The following RANBP2 variants were observed in gnomAD, a reference collection of about 807,000 sequenced individuals.
The protein encoded by RANBP2 is RAN binding protein 2, also known as E3 SUMO-protein ligase RanBP2.
Under a neutral mutation model 303.6 loss-of-function variants are expected in RANBP2, and 57 were observed. The observed-to-expected ratio is 0.19, with a 90% CI of 0.15 to 0.23. The LOEUF (loss-of-function observed/expected upper bound fraction) is 0.23, where lower values mean the gene tolerates loss of function less well. Ranked by LOEUF, RANBP2 falls within the 10% of genes least tolerant of loss-of-function variation. The pLI is 1.00. For synonymous variants in RANBP2, 1,167 were observed against 1,301.5 expected (o/e 0.90, Z 2.23); for missense variants, 3,138 against 3,780.8 (o/e 0.83, Z 4.46).
At chr2:108,805,487 AG>A in the RANBP2 span, among the ~76,000 whole-genome samples, 1 of 152,022 alleles carries the variant, frequency 6.6e-6, no homozygotes, top group South Asian at 2.1e-4. Context: ...GCACTTTGGG[AG>A]GCTGAGGTGG....
chr2:108,815,979 C>A, the RANBP2 span: 1 of 1,613,192 alleles, frequency 6.2e-7, no homozygotes, highest in East Asian at 2.2e-5. Flanking sequence ...TTTTAACTGT[C>A]TTCATGGACT....
At chr2:109,189,561 G>T in the RANBP2 span, among the ~76,000 whole-genome samples, 1 of 151,998 alleles carries the variant, frequency 6.6e-6, no homozygotes, top group East Asian at 1.9e-4. Flanking sequence ...TAGAAGCGGG[G>T]TTTCACTATA....
At chr2:109,571,970 C>T in the RANBP2 span, among the ~76,000 whole-genome samples, 1 of 152,198 alleles carries the variant, frequency 6.6e-6, no homozygotes, top group Non-Finnish European at 1.5e-5. Context: ...ATGTAAATAT[C>T]ATCAATAAAC....
the RANBP2 span, chr2:108,878,605 C>T: frequency 1.2e-5 from 2 of 161,634 alleles, no homozygotes; most frequent in Admixed American, 6.1e-5. Context: ...TGTGTATATG[C>T]TCTGCAGTAG....
At position 108,765,201 on chromosome 2, in the gene RANBP2, G is replaced by C; in HGVS notation, c.4662G>C (p.Val1554=). The C allele has an allele frequency of 6.2e-7, 1 of 1,612,666 alleles. No individual in the cohort carries two copies. Among genetic ancestry groups the C allele is most frequent in the Non-Finnish European group, 8.5e-7 (1 of 1,179,534 alleles). The part of the protein sequence containing the change: ...EGQWDCSSCL[V]RNEANATRCV... ...AGTGGGATTGCAGTTCATGCTTAGT[G>C]CGAAATGAAGCAAATGCTACAAGAT... Residue 1554 remains valine (V), a synonymous_variant, in exon 20 of 29, where the codon GTG becomes GTC. Coordinates refer to ENST00000283195, the MANE Select transcript of RANBP2 (RefSeq NM_006267.5).
the RANBP2 span, chr2:108,876,261 A>G: frequency 5.2e-6 from 8 of 1,535,828 alleles, no homozygotes; most frequent in Non-Finnish European, 7.1e-6. Flanking sequence ...TAGACTGGCT[A>G]ATTTTTTAAT....
At chr2:108,989,988 AG>A in the RANBP2 span, among the ~76,000 whole-genome samples, 3 of 152,108 alleles carry the variant, frequency 2.0e-5, no homozygotes, top group Non-Finnish European at 4.4e-5. Flanking sequence ...CTCACACATG[AG>A]AAAGTAAGAG....
chr2:109,731,206 A>G, the RANBP2 span, among the ~76,000 whole-genome samples: 1 of 152,140 alleles, frequency 6.6e-6, no homozygotes, highest in African/African-American at 2.4e-5. Context: ...TTGGGGACAC[A>G]TTCAGTTTAT....
the RANBP2 span, among the ~76,000 whole-genome samples, chr2:108,918,741 A>G: frequency 2.6e-5 from 4 of 152,178 alleles, no homozygotes; most frequent in African/African-American, 9.6e-5. Context: ...TACAGCCACA[A>G]TAGCTCATAT....
At chr2:108,975,280 C>T in the RANBP2 span, among the ~76,000 whole-genome samples, 2 of 152,342 alleles carry the variant, frequency 1.3e-5, no homozygotes, top group African/African-American at 4.8e-5. Flanking sequence ...AGTAAATCCC[C>T]TGCCGGCCAC....
chr2:109,597,499 T>G, the RANBP2 span, among the ~76,000 whole-genome samples: 3 of 152,212 alleles, frequency 2.0e-5, no homozygotes, highest in African/African-American at 7.2e-5. Context: ...GAAACATGAA[T>G]GCACAATAGG....
At chr2:109,360,592 T>A in the RANBP2 span, among the ~76,000 whole-genome samples, 1 of 152,214 alleles carries the variant, frequency 6.6e-6, no homozygotes, top group Non-Finnish European at 1.5e-5. Flanking sequence ...CCAAAACACT[T>A]TTGGTCTCAA....
At chr2:108,806,178 A>G in the RANBP2 span, among the ~76,000 whole-genome samples, 1 of 152,064 alleles carries the variant, frequency 6.6e-6, no homozygotes, top group Non-Finnish European at 1.5e-5. Flanking sequence ...TATTAGACTT[A>G]TGAATTTGAC....
the RANBP2 span, among the ~76,000 whole-genome samples, chr2:109,304,999 A>G: frequency 6.6e-6 from 1 of 152,084 alleles, no homozygotes; most frequent in Non-Finnish European, 1.5e-5. Context: ...TGAGTGCCTC[A>G]TTTGTCTGGA....
chr2:109,471,816 A>G, the RANBP2 span, among the ~76,000 whole-genome samples: 1 of 152,166 alleles, frequency 6.6e-6, no homozygotes, highest in Admixed American at 6.5e-5. Context: ...GCCTTTTTGC[A>G]TGGGGCACGT....
In RANBP2 at chr2:108,764,265, C is replaced by A. The variant is rs1676953674; in HGVS notation, c.3726C>A (p.Ile1242=). 1 of 1,613,982 alleles carries A rather than the reference C, an allele frequency of 6.2e-7. No homozygotes were observed. ...TGAGACGAGAGCAAGTATTGAAAAT[C>A]TGTGCAAATCATTACATCAGTCCAG... ...LLMRREQVLK[I]CANHYISPDM... Residue 1242 remains isoleucine (I), a synonymous_variant, in exon 20 of 29, where the codon ATC becomes ATA. Transcript: ENST00000283195.
chr2:108,767,698 A>T lies in RANBP2; in HGVS notation c.7159A>T (p.Thr2387Ser). The T allele has an allele frequency of 1.9e-6, 3 of 1,612,024 alleles. No individual in the cohort carries two copies. Among genetic ancestry groups the T allele is most frequent in the Non-Finnish European group, 2.5e-6 (3 of 1,179,868 alleles). ...VLKLCANHRI[T>S]PDMTLQNMKG... The stretch of plus-strand genomic sequence containing the variant: ...AAAACTTTGTGCCAATCACAGAATA[A>T]CTCCAGACATGACTTTGCAAAATAT... The change falls in exon 20 of 29, where the codon ACT becomes TCT. Residue 2387 changes from threonine to serine, a missense_variant. Thr to Ser is a moderately conservative substitution (Grantham distance 58). Coordinates refer to ENST00000283195, the MANE Select transcript of RANBP2 (RefSeq NM_006267.5).
At chr2:109,514,431 C>T in the RANBP2 span, among the ~76,000 whole-genome samples, 1 of 152,174 alleles carries the variant, frequency 6.6e-6, no homozygotes, top group African/African-American at 2.4e-5. Context: ...TATGACTGTG[C>T]ACAGCTCAGA....
the RANBP2 span, chr2:109,732,814 G>T: frequency 8.1e-7 from 1 of 1,237,650 alleles, no homozygotes. Context: ...TCTGAAGTGT[G>T]TGGGTTGCTA....
Sources: gnomAD v4.1 joint callset for allele counts (sites outside exome capture counted in the v4.1 genomes callset) on GRCh38, gnomAD v4.1.1 for gene constraint, MANE v1.5 for transcripts, NCBI Gene and HGNC (gene_info 2026-07-23, HGNC 2026-07-21) for gene names.